ABCA6: variants seen among roughly 807,000 people sequenced by gnomAD.
ABCA6 encodes the protein ATP binding cassette subfamily A member 6, also known as ATP-binding cassette sub-family A member 6.
ABCA6 carries 164 observed loss-of-function variants against 191.2 expected under a neutral mutation model. That is an observed-to-expected ratio of 0.86 (90% CI 0.76 to 0.98). ABCA6 has a LOEUF of 0.98. ABCA6 is among the 50% of genes least tolerant of loss of function. The pLI, the probability that ABCA6 is intolerant of heterozygous loss-of-function variation, is 0.00. For synonymous variants in ABCA6, 636 were observed against 647.7 expected, an observed-to-expected ratio of 0.98 and a Z score of 0.27; for missense variants, 1,958 against 1,894.1, an observed-to-expected ratio of 1.03 and a Z score of -0.63.
chr17:69,124,837 T>G, intron 9 of ABCA6, 51 bp downstream of exon 9: 2 of 1,054,210 alleles, frequency 1.9e-6, no homozygotes, highest in Non-Finnish European at 2.7e-6. Context: ...AAAAATATAT[T>G]CAATGTAATT....
rs566848996 is a variant in ABCA6 at position 69,102,379 on chromosome 17, ATC to A, written c.2874+454_2874+455del. 3.1e-3 allele frequency among the ~76,000 whole-genome samples: 476 copies of A among 152,274 alleles called. 1 individual carries two copies. Among genetic ancestry groups the A allele is most frequent in the African/African-American group, 0.011 (446 of 41,550 alleles). ...TTTCAATAGTCTTGTTCTCTAATGA[ATC>A]TCTATGGCTTGACTCTTTTACCCAA... On this transcript the variant is annotated intron_variant, in intron 21 of 38. Coordinates refer to ENST00000284425, the MANE Select transcript of ABCA6 (RefSeq NM_080284.3).
In ABCA6 at chr17:69,112,308, G is replaced by T. The variant is rs183181101; in HGVS notation, c.2042-35C>A. 114 of 1,522,810 alleles carry T rather than the reference G, an allele frequency of 7.5e-5. No homozygotes were observed. In the African/African-American group the frequency reaches 1.4e-3, roughly 19 times the overall value. The allele number at this position is 1,522,810 out of a possible 1,614,324, so 94.3% of individuals were successfully genotyped here. Reference sequence around the variant, plus strand: ...AGAAATCAAGGGAGAAAAGATATTGGGGGTCATTTCTTCTTTCTCTAGTAA... The same window carrying T: ...AGAAATCAAGGGAGAAAAGATATTGTGGGTCATTTCTTCTTTCTCTAGTAA... On this transcript the variant is annotated intron_variant, in intron 15 of 38. Coordinates refer to ENST00000284425, the MANE Select transcript of ABCA6 (RefSeq NM_080284.3).
At position 69,117,886 on chromosome 17, in the gene ABCA6, G is replaced by T; in HGVS notation, c.1495+12C>A. 1.3e-6 allele frequency: 2 copies of T among 1,533,134 alleles called. No homozygotes were observed. The allele number at this position is 1,533,134 out of a possible 1,614,324, so 95.0% of individuals were successfully genotyped here. ...AAGTGAAAGAATGAAATTTTTCAAT[G>T]TTTTTCTTTACCTTTCAATGCTTCC... On this transcript the variant is annotated intron_variant, in intron 11 of 38. Coordinates refer to ENST00000284425, the MANE Select transcript of ABCA6 (RefSeq NM_080284.3).
At chr17:69,107,644 A>T in intron 18 of ABCA6, 52 bp downstream of exon 18, 1 of 1,186,958 alleles carries the variant, frequency 8.4e-7, no homozygotes, top group Non-Finnish European at 1.2e-6. Flanking sequence ...TACTAAATTG[A>T]CACATGATCA....
In ABCA6 at chr17:69,125,041, A is replaced by T. The variant is rs2073724310; in HGVS notation, c.1120-6T>A. On this transcript the variant is annotated splice_region_variant and splice_polypyrimidine_tract_variant and intron_variant, in intron 8 of 38. Coordinates refer to ENST00000284425, the MANE Select transcript of ABCA6 (RefSeq NM_080284.3). ...TTATAATCCAGTTTGATAATCTAAGATTCAAAAAATAAAAATAAATGTTTA... is the reference window on the plus strand; with the variant it reads ...TTATAATCCAGTTTGATAATCTAAGTTTCAAAAAATAAAAATAAATGTTTA... 1.5e-6 allele frequency: 2 copies of T among 1,308,642 alleles called. No homozygotes were observed. The highest frequency in any genetic ancestry group is 2.0e-5 in the South Asian group (1 of 49,174). The allele number at this position is 1,308,642 out of a possible 1,614,324, so 81.1% of individuals were successfully genotyped here.
At chr17:69,086,243 T>C (rs1281119849) in intron 30 of ABCA6, among the ~76,000 whole-genome samples, 1 of 152,170 alleles carries the variant, frequency 6.6e-6, no homozygotes, top group East Asian at 1.9e-4. Flanking sequence ...AATGGTATTA[T>C]GCTAACTTGT....
At chr17:69,079,308 A>G (rs930952371) in intron 37 of ABCA6, 43 bp from the exon 38 acceptor site, 1 of 1,471,310 alleles carries the variant, frequency 6.8e-7, no homozygotes, top group South Asian at 1.3e-5. Flanking sequence ...GATGCTTACA[A>G]TTTATTACCA....
intron 3 of ABCA6, 35 bp downstream of exon 3, chr17:69,137,261 A>G: frequency 6.3e-7 from 1 of 1,582,830 alleles, no homozygotes; most frequent in Non-Finnish European, 8.6e-7. Context: ...ATAGACATCT[A>G]TCAGTAACTC....
intron 8 of ABCA6, among the ~76,000 whole-genome samples, chr17:69,126,292 C>T (rs1360536203): frequency 6.6e-6 from 1 of 152,070 alleles, no homozygotes; most frequent in Non-Finnish European, 1.5e-5. Flanking sequence ...TTTATAACAG[C>T]ATGAAAAATA....
At chr17:69,114,641 G>T in intron 13 of ABCA6, 121 bp downstream of exon 13, 2 of 916,430 alleles carry the variant, frequency 2.2e-6, no homozygotes, top group South Asian at 2.0e-5. Context: ...ATTTGTTATG[G>T]GACCTCTTTG....
At chr17:69,123,028 G>A (rs1429817721) in intron 10 of ABCA6, among the ~76,000 whole-genome samples, 1 of 139,608 alleles carries the variant, frequency 7.2e-6, no homozygotes, top group Non-Finnish European at 1.5e-5. Flanking sequence ...TAGGGGGAGG[G>A]GGGAGGGATA....
chr17:69,084,670 CTT>C (rs71144653), intron 32 of ABCA6, among the ~76,000 whole-genome samples, 163 bp from the exon 33 acceptor site: 380 of 145,332 alleles, frequency 2.6e-3, no homozygotes, highest in East Asian at 0.02. Flanking sequence ...ACATGAAAGA[CTT>C]TTTTTTTTTT....
intron 26 of ABCA6, among the ~76,000 whole-genome samples, chr17:69,089,775 A>T (rs2072885084): frequency 1.3e-5 from 2 of 152,158 alleles, no homozygotes; most frequent in Admixed American, 1.3e-4. Flanking sequence ...TTCTTTGTTT[A>T]AAAAAATTTG....
chr17:69,086,574 A>T, intron 30 of ABCA6, 44 bp downstream of exon 30: 1 of 1,331,646 alleles, frequency 7.5e-7, no homozygotes, highest in Non-Finnish European at 1.1e-6. Flanking sequence ...TTCGGTAGGT[A>T]GTTCTAAAAG....
chr17:69,141,698 T>C (rs577876092), intron 1 of ABCA6, 47 bp downstream of exon 1: 4 of 152,184 alleles, frequency 2.6e-5, no homozygotes, highest in African/African-American at 9.6e-5. Context: ...TTTAGCAGTG[T>C]CCACCCACAT....
At chr17:69,093,668 C>G (rs2072982113) in intron 25 of ABCA6, among the ~76,000 whole-genome samples, 1 of 152,138 alleles carries the variant, frequency 6.6e-6, no homozygotes, top group Non-Finnish European at 1.5e-5. Context: ...AATAAAAGCT[C>G]TCCTGTATCC....
At chr17:69,127,471 G>A (rs542899006) in intron 8 of ABCA6, among the ~76,000 whole-genome samples, 133 of 152,084 alleles carry the variant, frequency 8.7e-4, no homozygotes, top group African/African-American at 3.1e-3. Context: ...GAACTGGATA[G>A]GTAATTTATA....
chr17:69,086,486 A>AATATATAT (rs68086602), intron 30 of ABCA6, 132 bp downstream of exon 30: 5,919 of 163,100 alleles, frequency 0.036, 226 homozygotes, highest in East Asian at 0.1. Flanking sequence ...TGGCACACTA[A>AATATATAT]ATATATATAT....
Position 69,085,615 on chromosome 17 carries a change from T to A in ABCA6, c.4029+10A>T. On this transcript the variant is annotated intron_variant, in intron 31 of 38. Transcript: ENST00000284425. ...TCCTGTTTTGGAAATGGAAACCATT[T>A]CCTCACTACCTCTCCAGCAGTTGGC... 6.3e-7 allele frequency: 1 copy of A among 1,592,982 alleles called. No homozygotes were observed. The highest frequency in any genetic ancestry group is 8.6e-7 in the Non-Finnish European group (1 of 1,165,506).
Sources: allele counts gnomAD v4.1 joint callset (sites outside exome capture counted in the v4.1 genomes callset), GRCh38; gene constraint gnomAD v4.1.1; transcripts MANE v1.5; gene names NCBI Gene and HGNC (gene_info 2026-07-23, HGNC 2026-07-21).